The following PARP15 variants were observed in gnomAD, a reference collection of about 807,000 sequenced individuals.
The protein encoded by PARP15 is protein mono-ADP-ribosyltransferase PARP15.
Under a neutral mutation model 62.1 loss-of-function variants are expected in PARP15, and 50 were observed. That is an observed-to-expected ratio of 0.81 (90% CI 0.64 to 1.02). The LOEUF is 1.02. Among genes scored for constraint, PARP15 ranks in the 50% least tolerant of loss-of-function variants. The pLI, the probability that PARP15 is intolerant of heterozygous loss-of-function variation, is 0.00. For synonymous variants in PARP15, 309 were observed against 293.1 expected (o/e 1.05, Z -0.55); for missense variants, 820 against 826.5 (o/e 0.99, Z 0.10).
At chr3:122,629,034 T>G (rs1291285359) in intron 9 of PARP15, among the ~76,000 whole-genome samples, 1 of 152,188 alleles carries the variant, frequency 6.6e-6, no homozygotes, top group Admixed American at 6.5e-5. Context: ...ATATCAGATA[T>G]TAGAAATATA....
intron 1 of PARP15, among the ~76,000 whole-genome samples, chr3:122,589,753 C>T (rs1576479961): frequency 6.6e-6 from 1 of 151,892 alleles, no homozygotes; most frequent in Admixed American, 6.6e-5. Context: ...TGTAAGGGAT[C>T]TTTATATATT....
chr3:122,591,194 T>C (rs1434487941), intron 1 of PARP15, among the ~76,000 whole-genome samples: 1 of 152,228 alleles, frequency 6.6e-6, no homozygotes, highest in African/African-American at 2.4e-5. Context: ...TGAGTGTTTC[T>C]GTCTCCTTAA....
intron 2 of PARP15, among the ~76,000 whole-genome samples, chr3:122,608,629 T>C (rs1935341542): frequency 6.6e-6 from 1 of 152,176 alleles, no homozygotes; most frequent in African/African-American, 2.4e-5. Context: ...GAAATTCTTA[T>C]CCCCTTTAAA....
intron 1 of PARP15, among the ~76,000 whole-genome samples, chr3:122,601,036 G>GTTTTTTTTTTGTTTTTTT (rs1934748778): frequency 1.4e-5 from 1 of 73,036 alleles, no homozygotes; most frequent in African/African-American, 8.2e-5. Flanking sequence ...GTCTTTTATG[G>GTTTTTTTTTTGTTTTTTT]TTTTTTTTTT....
chr3:122,619,784 T>C lies in PARP15; in HGVS notation c.1004T>C (p.Val335Ala). ...ACCATTAACATGTCTTATTTAGGTG[T>C]GTCAAGAGCTATTTTAGAAGGTGCT... Reference protein sequence around the residue: ...TARTFNRKSGVSRAILEGAGQ... With the variant: ...TARTFNRKSGASRAILEGAGQ... Residue 335 changes from valine to alanine, a missense_variant, in exon 7 of 12, where the codon GTG becomes GCG. Coordinates refer to ENST00000464300, the MANE Select transcript of PARP15 (RefSeq NM_001113523.3). The C allele has an allele frequency of 1.9e-6, 3 of 1,610,898 alleles. No homozygotes were observed. In the South Asian group the frequency reaches 3.3e-5, roughly 18 times the overall value.
chr3:122,599,226 G>A (rs139510371), intron 1 of PARP15, among the ~76,000 whole-genome samples: 2 of 152,298 alleles, frequency 1.3e-5, no homozygotes, highest in Non-Finnish European at 2.9e-5. Context: ...GTATTAGCCA[G>A]GTGTAGTGGC....
Position 122,619,277 on chromosome 3 carries a change from G to A in PARP15, c.1001-504G>A, listed in dbSNP as rs540365279. Reference sequence around the variant, plus strand: ...AAAATGCAAAGTCCATATTTTTAACGACTCGACCCAGCTGTCATTAGACTT... The same window carrying A: ...AAAATGCAAAGTCCATATTTTTAACAACTCGACCCAGCTGTCATTAGACTT... On this transcript the variant is annotated intron_variant, in intron 6 of 11. Transcript: ENST00000464300. Among the ~76,000 whole-genome samples, 192 of 152,220 alleles carry A rather than the reference G, an allele frequency of 1.3e-3. 3 individuals carry two copies. Among genetic ancestry groups the A allele is most frequent in the African/African-American group, 1.2e-3 (50 of 41,544 alleles).
In PARP15 at chr3:122,638,859, G is replaced by A. The variant is rs988288886; in HGVS notation, c.*2759G>A. ...TAAACATTACAAGTTGTTCTCTTGT[G>A]TTCTTATTTTTTCTGTAAACATAAT... is the stretch of plus-strand genomic sequence containing the variant. On this transcript the variant is annotated 3_prime_UTR_variant, in exon 12 of 12. Transcript: ENST00000464300. 7.9e-5 allele frequency: 12 copies of A among 151,956 alleles called. No individual in the cohort carries two copies. The highest frequency in any genetic ancestry group is 2.9e-4 in the African/African-American group (12 of 41,454). 9.4% of individuals were successfully genotyped at this position (151,956 alleles called of 1,614,324 possible). A position where few individuals can be genotyped will look rare whatever the true frequency, so the allele number is the denominator to read the frequency against.
chr3:122,588,115 T>G (rs564306408), intron 1 of PARP15, among the ~76,000 whole-genome samples: 1 of 152,282 alleles, frequency 6.6e-6, no homozygotes, highest in Admixed American at 6.5e-5. Flanking sequence ...GTATTATCTT[T>G]TTAAAAATAT....
intron 1 of PARP15, chr3:122,594,537 G>A (rs1244451859): frequency 1.0e-6 from 1 of 982,696 alleles, no homozygotes; most frequent in East Asian, 1.1e-4. Flanking sequence ...AAAGATTGCT[G>A]TGTATTCAGG....
At position 122,615,765 on chromosome 3, in the gene PARP15, G is replaced by C. The variant is rs565180032; in HGVS notation, c.772-14G>C. 1.9e-6 allele frequency: 3 copies of C among 1,609,868 alleles called. No individual in the cohort carries two copies. The highest frequency in any genetic ancestry group is 2.2e-5 in the South Asian group (2 of 90,942). Reference sequence around the variant, plus strand: ...CACAATATTGTTGTAGTCAGTAACTGTTTCTATTTCCAGGCATTTTTAGAT... The same window carrying C: ...CACAATATTGTTGTAGTCAGTAACTCTTTCTATTTCCAGGCATTTTTAGAT... On this transcript the variant is annotated splice_polypyrimidine_tract_variant and intron_variant, in intron 4 of 11. Coordinates refer to ENST00000464300, the MANE Select transcript of PARP15 (RefSeq NM_001113523.3).
chr3:122,591,700 G>A (rs1460678649), intron 1 of PARP15, among the ~76,000 whole-genome samples: 1 of 147,174 alleles, frequency 6.8e-6, no homozygotes, highest in Admixed American at 7.0e-5. Context: ...GGCGGTTATT[G>A]CAGTGAGCCG....
intron 1 of PARP15, among the ~76,000 whole-genome samples, chr3:122,583,645 G>T (rs910367443): frequency 1.3e-5 from 2 of 152,076 alleles, no homozygotes; most frequent in African/African-American, 2.4e-5. Context: ...CCTGTTTGAG[G>T]CTTGCTTTTA....
chr3:122,600,263 A>T (rs1934686921), intron 1 of PARP15, among the ~76,000 whole-genome samples: 1 of 152,090 alleles, frequency 6.6e-6, no homozygotes, highest in African/African-American at 2.4e-5. Flanking sequence ...TGGGAGAAAA[A>T]AGGCAAAAGA....
At chr3:122,587,875 A>G (rs1933569130) in intron 1 of PARP15, among the ~76,000 whole-genome samples, 1 of 152,080 alleles carries the variant, frequency 6.6e-6, no homozygotes, top group African/African-American at 2.4e-5. Flanking sequence ...GCATCTTTTC[A>G]TATGCTTATT....
intron 1 of PARP15, among the ~76,000 whole-genome samples, chr3:122,592,707 T>C (rs1934021617): frequency 6.6e-6 from 1 of 152,136 alleles, no homozygotes; most frequent in South Asian, 2.1e-4. Context: ...AAACTAATGT[T>C]AACTCTTTTA....
intron 2 of PARP15, among the ~76,000 whole-genome samples, chr3:122,610,195 C>T (rs746824608): frequency 1.3e-5 from 2 of 152,116 alleles, no homozygotes; most frequent in African/African-American, 2.4e-5. Context: ...TCTCAGTCTT[C>T]GTCTCTGACT....
intron 1 of PARP15, 107 bp downstream of exon 1, chr3:122,577,960 C>T: frequency 8.0e-7 from 1 of 1,253,852 alleles, no homozygotes; most frequent in Non-Finnish European, 1.1e-6. Context: ...CCACGCACAA[C>T]CCTCTCTTCT....
At chr3:122,591,932 A>G (rs1281537583) in intron 1 of PARP15, among the ~76,000 whole-genome samples, 1 of 152,220 alleles carries the variant, frequency 6.6e-6, no homozygotes, top group Non-Finnish European at 1.5e-5. Flanking sequence ...TTAAAAAGTC[A>G]AGAAACAATA....
Sources: gnomAD v4.1 joint callset for allele counts (sites outside exome capture counted in the v4.1 genomes callset) on GRCh38, gnomAD v4.1.1 for gene constraint, MANE v1.5 for transcripts, NCBI Gene and HGNC (gene_info 2026-07-23, HGNC 2026-07-21) for gene names.